Variants in CNTN4 observed in about 807,000 individuals in gnomAD.
CNTN4 encodes contactin 4.
CNTN4 carries 77 observed loss-of-function variants against 122.5 expected under a neutral mutation model. The observed-to-expected ratio is 0.63, with a 90% CI of 0.52 to 0.76. The LOEUF (loss-of-function observed/expected upper bound fraction) is 0.76. CNTN4 is among the 30% of genes least tolerant of loss of function. The pLI is 0.00. For missense variants in CNTN4, 1,256 were observed against 1,259.1 expected (o/e 1.00, Z 0.04); for synonymous variants, 512 against 447.0 (o/e 1.15, Z -1.83).
intron 6 of CNTN4, among the ~76,000 whole-genome samples, chr3:2,817,608 C>A (rs1277607698): frequency 2.6e-5 from 4 of 152,138 alleles, no homozygotes; most frequent in Non-Finnish European, 5.9e-5. Flanking sequence ...CCATATTTCT[C>A]ATTTTCTTTC....
chr3:2,822,469 C>A (rs1164688230), intron 7 of CNTN4, among the ~76,000 whole-genome samples: 1 of 152,178 alleles, frequency 6.6e-6, no homozygotes, highest in East Asian at 1.9e-4. Flanking sequence ...AACCACTTCA[C>A]TGTGGACATA....
chr3:2,381,191 A>G (rs947283381), intron 3 of CNTN4, among the ~76,000 whole-genome samples: 12 of 152,102 alleles, frequency 7.9e-5, no homozygotes, highest in Admixed American at 3.9e-4. Flanking sequence ...TATTTTTAGT[A>G]GAGATGGGGT....
At chr3:2,851,285 C>T (rs1477228286) in intron 7 of CNTN4, among the ~76,000 whole-genome samples, 1 of 152,142 alleles carries the variant, frequency 6.6e-6, no homozygotes, top group Non-Finnish European at 1.5e-5. Context: ...TTTTTAAGAG[C>T]ACAGAAGTGA....
intron 6 of CNTN4, among the ~76,000 whole-genome samples, chr3:2,791,262 C>T (rs914881226): frequency 2.6e-5 from 4 of 152,068 alleles, no homozygotes; most frequent in Non-Finnish European, 4.4e-5. Flanking sequence ...CTGGGCATGG[C>T]GGCTCGCACC....
intron 23 of CNTN4, among the ~76,000 whole-genome samples, chr3:3,046,555 A>C (rs1178822207): frequency 6.6e-6 from 1 of 152,070 alleles, no homozygotes; most frequent in Non-Finnish European, 1.5e-5. Flanking sequence ...GAGAAATAAA[A>C]TCCTTTACAG....
At chr3:2,822,684 T>C (rs528228298) in intron 7 of CNTN4, among the ~76,000 whole-genome samples, 1 of 152,322 alleles carries the variant, frequency 6.6e-6, no homozygotes, top group African/African-American at 2.4e-5. Flanking sequence ...TAATGATCTC[T>C]TTAGGAAAGG....
At position 2,565,198 on chromosome 3, in the gene CNTN4, C is replaced by T. The variant is rs189821569; in HGVS notation, c.-88-6218C>T. Among the ~76,000 whole-genome samples the T allele has an allele frequency of 7.9e-3, 1,197 of 152,144 alleles. 10 individuals carry two copies. The highest frequency in any genetic ancestry group is 0.012 in the Non-Finnish European group (810 of 67,972). On this transcript the variant is annotated intron_variant, in intron 3 of 24. Transcript: ENST00000418658. ...CTCTTGTTTAATAGATGTAGCTTCC[C>T]GAATATATCATCCAGGTCCCTTATG...
intron 2 of CNTN4, among the ~76,000 whole-genome samples, chr3:2,208,367 C>G (rs1175366560): frequency 6.6e-6 from 1 of 152,080 alleles, no homozygotes; most frequent in African/African-American, 2.4e-5. Context: ...AGCAAGAGAA[C>G]TGGAATTAGA....
intron 7 of CNTN4, among the ~76,000 whole-genome samples, chr3:2,821,301 C>G (rs757884361): frequency 3.3e-5 from 5 of 152,134 alleles, no homozygotes; most frequent in Non-Finnish European, 7.4e-5. Flanking sequence ...GCTAGCACAG[C>G]TTCTAGAGGA....
chr3:2,381,763 A>C (rs2046031852), intron 3 of CNTN4, among the ~76,000 whole-genome samples: 1 of 152,188 alleles, frequency 6.6e-6, no homozygotes. Context: ...TAAATTAAAA[A>C]ATTATGTATT....
intron 4 of CNTN4, among the ~76,000 whole-genome samples, chr3:2,605,988 G>A (rs1236865407): frequency 6.6e-6 from 1 of 152,204 alleles, no homozygotes; most frequent in Non-Finnish European, 1.5e-5. Flanking sequence ...GGGAGCTAAG[G>A]CCTGAGCCAA....
chr3:2,513,644 T>G (rs2076956190), intron 3 of CNTN4, among the ~76,000 whole-genome samples: 1 of 152,222 alleles, frequency 6.6e-6, no homozygotes, highest in Non-Finnish European at 1.5e-5. Flanking sequence ...CTTACAATAT[T>G]AAACATTTTT....
chr3:2,636,083 G>C (rs2082646807), intron 4 of CNTN4, among the ~76,000 whole-genome samples: 2 of 152,108 alleles, frequency 1.3e-5, no homozygotes, highest in South Asian at 4.1e-4. Flanking sequence ...CCATCTCCTT[G>C]GCTGCAGAAC....
chr3:2,395,365 A>G (rs192425632), intron 3 of CNTN4, among the ~76,000 whole-genome samples: 3 of 152,290 alleles, frequency 2.0e-5, no homozygotes, highest in Admixed American at 2.0e-4. Flanking sequence ...TTTTACAAGG[A>G]AAGAATATAA....
intron 13 of CNTN4, among the ~76,000 whole-genome samples, chr3:2,974,306 A>G (rs7638779): frequency 0.12 from 18,524 of 152,178 alleles, 1,251 homozygotes; most frequent in African/African-American, 0.16. Context: ...TGAACTTTGA[A>G]ACATTTAAAA....
intron 3 of CNTN4, among the ~76,000 whole-genome samples, chr3:2,470,401 T>C (rs79271308): frequency 0.015 from 2,232 of 152,170 alleles, 56 homozygotes; most frequent in African/African-American, 0.05. Context: ...TAAAACAGGG[T>C]TATTGGATAG....
At chr3:2,479,721 C>T (rs922944932) in intron 3 of CNTN4, among the ~76,000 whole-genome samples, 10 of 152,194 alleles carry the variant, frequency 6.6e-5, no homozygotes, top group Non-Finnish European at 1.3e-4. Flanking sequence ...AAAAGTCTTG[C>T]TTCCGCTGTT....
intron 3 of CNTN4, among the ~76,000 whole-genome samples, chr3:2,350,707 C>CTCA (rs1575435136): frequency 6.6e-6 from 1 of 152,264 alleles, no homozygotes; most frequent in Non-Finnish European, 1.5e-5. Flanking sequence ...ATGAATAGCT[C>CTCA]TCAGTCAATA....
chr3:3,009,258 A>G (rs910639876), intron 14 of CNTN4, among the ~76,000 whole-genome samples: 4 of 152,164 alleles, frequency 2.6e-5, no homozygotes, highest in African/African-American at 9.7e-5. Context: ...TCAGTCTTAG[A>G]CAAGTTAACC....
Sources: gnomAD v4.1 joint callset for allele counts (sites outside exome capture counted in the v4.1 genomes callset) on GRCh38, gnomAD v4.1.1 for gene constraint, MANE v1.5 for transcripts, NCBI Gene and HGNC (gene_info 2026-07-23, HGNC 2026-07-21) for gene names.